The following TRAF2 variants were observed in gnomAD, a reference collection of about 807,000 sequenced individuals.
TRAF2 encodes the protein TNF receptor-associated factor 2.
Under a neutral mutation model 55.6 loss-of-function variants are expected in TRAF2, and 6 were observed. The observed-to-expected ratio is 0.11, with a 90% confidence interval of 0.06 to 0.21. TRAF2 has a LOEUF of 0.21. Among genes scored for constraint, TRAF2 ranks in the 10% least tolerant of loss-of-function variants. The probability of loss-of-function intolerance (pLI) is 1.00; values close to 1 mark genes in which losing one functional copy is unlikely to be tolerated. For missense variants in TRAF2, 561 were observed against 684.5 expected (o/e 0.82, Z 2.01); for synonymous variants, 329 against 276.3 (o/e 1.19, Z -1.89).
intron 10 of TRAF2, 97 bp from the exon 11 acceptor site, chr9:136,925,586 G>GC (rs1850510610): frequency 7.9e-7 from 1 of 1,268,014 alleles, no homozygotes; most frequent in Non-Finnish European, 1.1e-6. Flanking sequence ...TCCTGGGATG[G>GC]CCTCCTGCTG....
intron 4 of TRAF2, among the ~76,000 whole-genome samples, chr9:136,906,374 T>C (rs1849952386): frequency 6.6e-6 from 1 of 152,158 alleles, no homozygotes; most frequent in Admixed American, 6.5e-5. Context: ...GGCCTCACAA[T>C]CATGGAGGAA....
chr9:136,892,707 C>T (rs1849605717), intron 1 of TRAF2, among the ~76,000 whole-genome samples: 1 of 151,968 alleles, frequency 6.6e-6, no homozygotes, highest in Non-Finnish European at 1.5e-5. Context: ...TGGTGAAACC[C>T]TGTCTCTACT....
chr9:136,910,592 TCATC>T (rs1468208582), intron 6 of TRAF2, among the ~76,000 whole-genome samples: 1 of 152,222 alleles, frequency 6.6e-6, no homozygotes, highest in East Asian at 1.9e-4. Context: ...TGAGGGTAGC[TCATC>T]CAGAGAGGCT....
chr9:136,905,681 T>C (rs917720927), intron 4 of TRAF2, among the ~76,000 whole-genome samples: 6 of 152,222 alleles, frequency 3.9e-5, no homozygotes, highest in African/African-American at 7.2e-5. Context: ...TTCCCAGTCA[T>C]AGCAGACTTC....
chr9:136,887,040 G>C (rs981030152), intron 1 of TRAF2, among the ~76,000 whole-genome samples: 1 of 152,196 alleles, frequency 6.6e-6, no homozygotes, highest in Non-Finnish European at 1.5e-5. Flanking sequence ...CCCAGCCAGG[G>C]GTCGGGGAAG....
intron 10 of TRAF2, 94 bp downstream of exon 10, chr9:136,924,094 G>A: frequency 6.7e-7 from 1 of 1,492,722 alleles, no homozygotes; most frequent in Non-Finnish European, 9.0e-7. Context: ...GGGACAAGGT[G>A]GCTTGGGCTC....
At chr9:136,914,064 T>C (rs887526872) in intron 6 of TRAF2, among the ~76,000 whole-genome samples, 21 of 152,368 alleles carry the variant, frequency 1.4e-4, no homozygotes, top group Admixed American at 1.2e-3. Flanking sequence ...TGTTTGCCCC[T>C]TCATGGTGAT....
At position 136,926,498 on chromosome 9, in the gene TRAF2, C is replaced by T. The variant is rs556508007; in HGVS notation, c.*597C>T. 18 of 220,134 alleles carry T rather than the reference C, an allele frequency of 8.2e-5. No individual in the cohort carries two copies. The highest frequency in any genetic ancestry group is 5.1e-4 in the East Asian group (5 of 9,748). The allele number at this position is 220,134 out of a possible 1,614,324, so 13.6% of individuals were successfully genotyped here. A position where few individuals can be genotyped will look rare whatever the true frequency, so the allele number is the denominator to read the frequency against. ...TGTGGGAGAGGGTCTGGTCCCACGCCGCCTCTGCTCAGACCACTGTGTGGG... is the reference window on the plus strand; with the variant it reads ...TGTGGGAGAGGGTCTGGTCCCACGCTGCCTCTGCTCAGACCACTGTGTGGG... On this transcript the variant is annotated 3_prime_UTR_variant, in exon 11 of 11. Transcript: ENST00000247668.
upstream of TRAF2, chr9:136,882,695 C>T (rs1849388429): frequency 1.0e-6 from 1 of 985,594 alleles, no homozygotes. Context: ...ATCCCCTGAG[C>T]TGCGCCATGG....
At chr9:136,916,417 G>A in intron 6 of TRAF2, 124 bp from the exon 7 acceptor site, 2 of 896,798 alleles carry the variant, frequency 2.2e-6, no homozygotes, top group East Asian at 2.5e-5. Flanking sequence ...TTCATTCAGT[G>A]TGAGAGTGAA....
At chr9:136,894,856 T>C (rs1849648888) in intron 1 of TRAF2, among the ~76,000 whole-genome samples, 3 of 152,184 alleles carry the variant, frequency 2.0e-5, no homozygotes, top group Non-Finnish European at 4.4e-5. Flanking sequence ...TGCACTCACC[T>C]GTAGTCCCAG....
intron 1 of TRAF2, among the ~76,000 whole-genome samples, chr9:136,898,307 C>T (rs1351936743): frequency 6.6e-6 from 1 of 152,228 alleles, no homozygotes; most frequent in Non-Finnish European, 1.5e-5. Context: ...CTAAAACATG[C>T]TTATTGCAGG....
intron 9 of TRAF2, among the ~76,000 whole-genome samples, chr9:136,922,808 G>A (rs1380277870): frequency 7.4e-6 from 1 of 135,940 alleles, no homozygotes; most frequent in African/African-American, 2.8e-5. Context: ...TGTGGAGGAC[G>A]AGGATGGGGA....
chr9:136,896,809 CG>C, intron 1 of TRAF2, among the ~76,000 whole-genome samples: 1 of 152,276 alleles, frequency 6.6e-6, no homozygotes, highest in East Asian at 1.9e-4. Context: ...GGGGTTTCAC[CG>C]TGTTAGCCAG....
chr9:136,924,833 G>A (rs1448921527), intron 10 of TRAF2, among the ~76,000 whole-genome samples: 1 of 152,022 alleles, frequency 6.6e-6, no homozygotes, highest in Non-Finnish European at 1.5e-5. Context: ...TCCCCTCCTG[G>A]GTTCAAGCGA....
intron 2 of TRAF2, 32 bp from the exon 3 acceptor site, chr9:136,899,562 G>A (rs1397364032): frequency 6.3e-7 from 1 of 1,595,264 alleles, no homozygotes; most frequent in African/African-American, 1.3e-5. Context: ...AGGTTTCACA[G>A]TGGGTTGTTT....
chr9:136,914,786 A>G (rs1005823853), intron 6 of TRAF2, among the ~76,000 whole-genome samples: 1 of 152,110 alleles, frequency 6.6e-6, no homozygotes, highest in African/African-American at 2.4e-5. Context: ...TTGCTGTGTC[A>G]TAAGTCATTC....
chr9:136,925,297 C>T (rs1026872315), intron 10 of TRAF2, among the ~76,000 whole-genome samples: 4 of 152,074 alleles, frequency 2.6e-5, no homozygotes, highest in East Asian at 1.9e-4. Context: ...GTGCTCTTCA[C>T]GAGTGGGCAG....
At chr9:136,887,038 G>A (rs992433467) in intron 1 of TRAF2, among the ~76,000 whole-genome samples, 2 of 152,226 alleles carry the variant, frequency 1.3e-5, no homozygotes, top group African/African-American at 4.8e-5. Context: ...CCCCCAGCCA[G>A]GGGTCGGGGA....
Sources: allele counts gnomAD v4.1 joint callset (sites outside exome capture counted in the v4.1 genomes callset), GRCh38; gene constraint gnomAD v4.1.1; transcripts MANE v1.5; gene names NCBI Gene and HGNC (gene_info 2026-07-23, HGNC 2026-07-21).